KLF12: variants seen among roughly 807,000 people sequenced by gnomAD.
The protein encoded by KLF12 is Krueppel-like factor 12.
In KLF12, 9 loss-of-function variants were observed where a neutral mutation model predicts 37.8. That is an observed-to-expected ratio of 0.24 (90% confidence interval 0.14 to 0.42). The LOEUF (loss-of-function observed/expected upper bound fraction) is 0.42, where lower values mean the gene tolerates loss of function less well. Among genes scored for constraint, KLF12 ranks in the 10% least tolerant of loss-of-function variants. The pLI is 1.00. For synonymous variants in KLF12, 208 were observed against 202.1 expected, an observed-to-expected ratio of 1.03 and a Z score of -0.25; for missense variants, 411 against 516.0, an observed-to-expected ratio of 0.80 and a Z score of 1.97.
intron 3 of KLF12, among the ~76,000 whole-genome samples, chr13:73,919,929 T>C (rs565805817): frequency 3.5e-4 from 54 of 152,282 alleles, no homozygotes; most frequent in Non-Finnish European, 6.5e-4. Flanking sequence ...TTTTCTCCCC[T>C]GAATTTTCTC....
chr13:73,729,118 A>C (rs775259278), intron 6 of KLF12, among the ~76,000 whole-genome samples: 3 of 152,212 alleles, frequency 2.0e-5, no homozygotes, highest in African/African-American at 7.2e-5. Flanking sequence ...AGAACTTTTC[A>C]TATCACTAAA....
chr13:73,859,510 G>A (rs571683448), intron 3 of KLF12, among the ~76,000 whole-genome samples: 2 of 152,186 alleles, frequency 1.3e-5, no homozygotes, highest in East Asian at 3.9e-4. Context: ...ATTAGTACGT[G>A]GAAATACCAA....
intron 5 of KLF12, among the ~76,000 whole-genome samples, chr13:73,796,805 A>C (rs1882000296): frequency 6.6e-6 from 1 of 152,206 alleles, no homozygotes; most frequent in South Asian, 2.1e-4. Context: ...CAAACTAAAA[A>C]CAATCCAAAT....
At chr13:74,282,660 T>G in the KLF12 span, among the ~76,000 whole-genome samples, 2 of 152,094 alleles carry the variant, frequency 1.3e-5, no homozygotes, top group Non-Finnish European at 2.9e-5. Context: ...AAAGGAAGTA[T>G]GGAAATAATA....
the KLF12 span, among the ~76,000 whole-genome samples, chr13:74,153,499 T>A: frequency 6.6e-6 from 1 of 152,200 alleles, no homozygotes; most frequent in Non-Finnish European, 1.5e-5. Flanking sequence ...ACCCTTTCTA[T>A]ATCCTCCAGC....
chr13:73,878,212 TAATTA>T (rs1047780030), intron 3 of KLF12, among the ~76,000 whole-genome samples: 4 of 152,148 alleles, frequency 2.6e-5, no homozygotes, highest in African/African-American at 9.7e-5. Context: ...AAAGTAAATT[TAATTA>T]AATTATCTAT....
intron 4 of KLF12, among the ~76,000 whole-genome samples, chr13:73,816,962 A>C (rs1883256807): frequency 6.6e-6 from 1 of 152,062 alleles, no homozygotes; most frequent in Admixed American, 6.6e-5. Context: ...CCTGCTTGAA[A>C]ACCTCTTGGC....
chr13:73,829,141 T>C (rs906733295), intron 4 of KLF12, among the ~76,000 whole-genome samples: 4 of 152,196 alleles, frequency 2.6e-5, no homozygotes, highest in Non-Finnish European at 4.4e-5. Context: ...TGTGAGTGTA[T>C]TGTGGGTACT....
chr13:74,062,722 C>A (rs1873674424), intron 1 of KLF12, among the ~76,000 whole-genome samples: 3 of 152,176 alleles, frequency 2.0e-5, no homozygotes, highest in Admixed American at 2.0e-4. Flanking sequence ...TCTTACAGAG[C>A]TGTGTCAGCA....
intron 1 of KLF12, among the ~76,000 whole-genome samples, chr13:74,009,582 TA>T (rs1892496887): frequency 6.6e-6 from 1 of 152,178 alleles, no homozygotes; most frequent in Non-Finnish European, 1.5e-5. Context: ...GAATGGGTTT[TA>T]GGGGAACAAG....
At chr13:73,847,716 G>C (rs183303059) in intron 3 of KLF12, among the ~76,000 whole-genome samples, 2 of 152,124 alleles carry the variant, frequency 1.3e-5, no homozygotes, top group Middle Eastern at 3.4e-3. Context: ...CAATTAAAAT[G>C]AGTCATCTAA....
chr13:74,216,480 G>T, the KLF12 span, among the ~76,000 whole-genome samples: 1 of 152,142 alleles, frequency 6.6e-6, no homozygotes, highest in Non-Finnish European at 1.5e-5. Flanking sequence ...CTGAAAATTG[G>T]GCAGCATGGT....
chr13:74,214,709 T>C, the KLF12 span, among the ~76,000 whole-genome samples: 1 of 152,182 alleles, frequency 6.6e-6, no homozygotes, highest in African/African-American at 2.4e-5. Context: ...TCCCTAGTGC[T>C]CTGAAATTTC....
At chr13:74,041,520 T>G (rs1893400772) in intron 1 of KLF12, among the ~76,000 whole-genome samples, 1 of 152,192 alleles carries the variant, frequency 6.6e-6, no homozygotes, top group Admixed American at 6.5e-5. Context: ...ATTGTGTAAG[T>G]AGAGCTAAAA....
intron 3 of KLF12, among the ~76,000 whole-genome samples, chr13:73,913,890 G>C (rs1388046422): frequency 1.3e-5 from 2 of 152,084 alleles, no homozygotes; most frequent in Non-Finnish European, 2.9e-5. Flanking sequence ...AATTGCATCT[G>C]GAACAGCTTT....
At chr13:73,934,796 ATTTT>A (rs753451054) in intron 3 of KLF12, among the ~76,000 whole-genome samples, 61 of 151,412 alleles carry the variant, frequency 4.0e-4, no homozygotes, top group Non-Finnish European at 7.7e-4. Flanking sequence ...TTCTTCAAAT[ATTTT>A]TTTCTGATCT....
chr13:73,744,469 C>T (rs1296755659), intron 6 of KLF12, among the ~76,000 whole-genome samples: 1 of 151,844 alleles, frequency 6.6e-6, no homozygotes, highest in African/African-American at 2.4e-5. Context: ...CCTTTATAAA[C>T]CCTTTAGGCA....
chr13:74,166,323 C>A, the KLF12 span, among the ~76,000 whole-genome samples: 1 of 152,002 alleles, frequency 6.6e-6, no homozygotes, highest in African/African-American at 2.4e-5. Context: ...AACTCCTGGG[C>A]TCAAGGTGAT....
chr13:74,020,170 T>C (rs1193220214), intron 1 of KLF12, among the ~76,000 whole-genome samples: 1 of 152,228 alleles, frequency 6.6e-6, no homozygotes, highest in Non-Finnish European at 1.5e-5. Flanking sequence ...TCAGAAATTG[T>C]TTAATAATAT....
Sources: allele counts gnomAD v4.1 joint callset (sites outside exome capture counted in the v4.1 genomes callset), GRCh38; gene constraint gnomAD v4.1.1; transcripts MANE v1.5; gene names NCBI Gene and HGNC (gene_info 2026-07-23, HGNC 2026-07-21).